WDR26: variants seen among roughly 807,000 people sequenced by gnomAD.
The protein encoded by WDR26 is WD repeat-containing protein 26.
WDR26 carries 5 observed loss-of-function variants against 84.1 expected under a neutral mutation model. The ratio of observed to expected loss-of-function variants is 0.06; its 90% CI spans 0.03 to 0.13. The LOEUF (loss-of-function observed/expected upper bound fraction) is 0.13. WDR26 is among the 10% of genes least tolerant of loss of function. The pLI, the probability that WDR26 is intolerant of heterozygous loss-of-function variation, is 1.00. For synonymous variants in WDR26, 415 were observed against 389.6 expected (o/e 1.07, Z -0.77); for missense variants, 642 against 974.9 (o/e 0.66, Z 4.55).
At chr1:224,427,496 GACTAAA>G (rs1190706881) in intron 3 of WDR26, among the ~76,000 whole-genome samples, 1 of 152,044 alleles carries the variant, frequency 6.6e-6, no homozygotes, top group Non-Finnish European at 1.5e-5. Flanking sequence ...GAGAAAGGCT[GACTAAA>G]ACTCTGAGAG....
At position 224,385,487 on chromosome 1, in the gene WDR26, A is replaced by C. The variant is rs183853609; in HGVS notation, c.*4348T>G. On this transcript the variant is annotated 3_prime_UTR_variant, in exon 14 of 14. Transcript: ENST00000414423. The stretch of plus-strand genomic sequence containing the variant: ...AAAAAACAAAAATCAAAACCCACCA[A>C]AATTGAAGAACACAATCTTTTGAAA... The C allele has an allele frequency of 3.3e-5, 5 of 152,792 alleles. No homozygotes were observed. The highest frequency in any genetic ancestry group is 3.3e-4 in the Admixed American group (5 of 15,302). The allele number at this position is 152,792 out of a possible 1,614,324, so 9.5% of individuals were successfully genotyped here.
At chr1:224,390,611 T>C (rs1054727915) in intron 13 of WDR26, among the ~76,000 whole-genome samples, 2 of 151,950 alleles carry the variant, frequency 1.3e-5, no homozygotes, top group African/African-American at 4.8e-5. Context: ...TCCTACTCCA[T>C]TTTTTTGGGG....
rs778874026 is a variant in WDR26 at position 224,431,458 on chromosome 1, A to T, written c.927+19T>A. 5 of 1,607,932 alleles carry T rather than the reference A, an allele frequency of 3.1e-6. No individual in the cohort carries two copies. The highest frequency in any genetic ancestry group is 4.3e-6 in the Non-Finnish European group (5 of 1,175,030). On this transcript the variant is annotated intron_variant, in intron 3 of 13. Coordinates refer to ENST00000414423, the MANE Select transcript of WDR26 (RefSeq NM_001379403.1). ...TAAAATAAGCATAAATGTGAAACTAAGAACAAAAGTGTATTTACCACAATT... is the reference window on the plus strand; with the variant it reads ...TAAAATAAGCATAAATGTGAAACTATGAACAAAAGTGTATTTACCACAATT...
At chr1:224,400,837 T>C (rs545412968) in intron 9 of WDR26, 113 bp downstream of exon 9, 7 of 1,414,800 alleles carry the variant, frequency 4.9e-6, no homozygotes, top group African/African-American at 4.3e-5. Flanking sequence ...TGAGCCACCA[T>C]GCCTGGCCCA....
chr1:224,398,919 T>C lies in WDR26; in HGVS notation c.1835A>G (p.Tyr612Cys), dbSNP rs1302926249. 8 of 1,613,874 alleles carry C rather than the reference T, an allele frequency of 5.0e-6. No individual in the cohort carries two copies. In the Admixed American group the frequency reaches 6.7e-5, roughly 13 times the overall value. ...CCTATCTGTAAGGTCCTCGAAGTTATAGCCCCGAATTCGCTGGTGTGTATC... is the reference window on the plus strand; with the variant it reads ...CCTATCTGTAAGGTCCTCGAAGTTACAGCCCCGAATTCGCTGGTGTGTATC... Residue 612 changes from tyrosine to cysteine, a missense_variant, in exon 10 of 14, where the codon TAT becomes TGT. Coordinates refer to ENST00000414423, the MANE Select transcript of WDR26 (RefSeq NM_001379403.1).
intron 12 of WDR26, among the ~76,000 whole-genome samples, chr1:224,396,862 T>G (rs559838929): frequency 6.6e-6 from 1 of 151,262 alleles, no homozygotes; most frequent in African/African-American, 2.4e-5. Flanking sequence ...GAGGTGGAGG[T>G]TGCATCAAGA....
intron 5 of WDR26, among the ~76,000 whole-genome samples, chr1:224,418,647 G>A (rs549264181): frequency 3.0e-4 from 46 of 152,162 alleles, no homozygotes; most frequent in African/African-American, 1.1e-3. Flanking sequence ...CTTTATATGT[G>A]GATTTTCTAG....
intron 7 of WDR26, among the ~76,000 whole-genome samples, chr1:224,408,176 T>TC (rs1010268719): frequency 1.2e-4 from 19 of 152,144 alleles, no homozygotes; most frequent in Non-Finnish European, 2.6e-4. Flanking sequence ...CTAAAACTCT[T>TC]CCCCCAAACC....
chr1:224,401,357 C>G (rs1416340600), intron 8 of WDR26, among the ~76,000 whole-genome samples: 1 of 152,022 alleles, frequency 6.6e-6, no homozygotes, highest in Non-Finnish European at 1.5e-5. Flanking sequence ...TATGCATAAA[C>G]TAAAACATGT....
Position 224,434,350 on chromosome 1 carries a change from T to C in WDR26, c.56A>G (p.Asp19Gly). The change falls in exon 1 of 14, where the codon GAC becomes GGC. Residue 19 changes from aspartate to glycine, a missense_variant. By Grantham distance (94) the Asp-to-Gly change is moderately conservative. This residue lies in a region of WDR26 where 291 missense variants were observed against 302.1 expected (regional missense o/e 0.96). Coordinates refer to ENST00000414423, the MANE Select transcript of WDR26 (RefSeq NM_001379403.1). ...CGGGGGCGGGGAGGCTCCGCCGGTG[T>C]CCGAGTCGGAGGAGGAGGAAGCGGA... 1 of 1,218,454 alleles carries C rather than the reference T, an allele frequency of 8.2e-7. No homozygotes were observed. Among genetic ancestry groups the C allele is most frequent in the East Asian group, 3.3e-5 (1 of 30,642 alleles). 75.5% of individuals were successfully genotyped at this position (1,218,454 alleles called of 1,614,324 possible). A position where few individuals can be genotyped will look rare whatever the true frequency, so the allele number is the denominator to read the frequency against.
chr1:224,408,834 T>C (rs902611848), intron 7 of WDR26, among the ~76,000 whole-genome samples: 22 of 152,150 alleles, frequency 1.4e-4, no homozygotes, highest in African/African-American at 5.3e-4. Context: ...TGAATTTTGT[T>C]TTCATTTAAA....
intron 6 of WDR26, chr1:224,413,428 T>C (rs1466217866): frequency 4.1e-6 from 2 of 491,424 alleles, no homozygotes; most frequent in Non-Finnish European, 6.1e-6. Flanking sequence ...GCAGGCTGTT[T>C]TAAACTTTCA....
At chr1:224,398,475 C>G in intron 11 of WDR26, 40 bp downstream of exon 11, 1 of 1,538,936 alleles carries the variant, frequency 6.5e-7, no homozygotes. Flanking sequence ...AAAACTTGTA[C>G]TAAGCCAAAT....
intron 7 of WDR26, among the ~76,000 whole-genome samples, chr1:224,411,219 C>T (rs1363949448): frequency 6.6e-6 from 1 of 152,086 alleles, no homozygotes; most frequent in African/African-American, 2.4e-5. Flanking sequence ...ACAGATTTAA[C>T]ATTATTGTTA....
chr1:224,398,276 ATTTT>A, intron 11 of WDR26, 50 bp from the exon 12 acceptor site: 1 of 1,575,790 alleles, frequency 6.3e-7, no homozygotes, highest in Admixed American at 2.0e-5. Context: ...ACTCAAACAA[ATTTT>A]AAAAAGTATC....
At position 224,424,505 on chromosome 1, in the gene WDR26, TCA is replaced by T. The variant is rs760609006; in HGVS notation, c.1064+11_1064+12del. 52 of 1,613,352 alleles carry T rather than the reference TCA, an allele frequency of 3.2e-5. No homozygotes were observed. In the Admixed American group the frequency reaches 3.8e-4, roughly 12 times the overall value. ...CCTCCATTAACCTGAGTTCAAGAAC[TCA>T]GTTTCCTTACCCACTAAGAACATGA... On this transcript the variant is annotated intron_variant, in intron 4 of 13. Transcript: ENST00000414423.
Position 224,398,938 on chromosome 1 carries a change from G to A in WDR26, c.1816C>T (p.His606Tyr). 6.2e-7 allele frequency: 1 copy of A among 1,613,888 alleles called. No homozygotes were observed. Among genetic ancestry groups the A allele is most frequent in the Non-Finnish European group, 8.5e-7 (1 of 1,179,938 alleles). ...AAGTTATAGCCCCGAATTCGCTGGTGTGTATCTGATGCCAGAACAGTCTTT... is the reference window on the plus strand; with the variant it reads ...AAGTTATAGCCCCGAATTCGCTGGTATGTATCTGATGCCAGAACAGTCTTT... The change falls in exon 10 of 14, where the codon CAC (histidine) becomes TAC (tyrosine). Residue 606 changes from histidine to tyrosine, a missense_variant. His to Tyr is a moderately conservative substitution (Grantham distance 83, BLOSUM62 2). Around this residue, in one of 2 missense-constraint regions of WDR26, gnomAD observed 351 missense variants for 672.8 expected, o/e 0.52. Transcript: ENST00000414423.
intron 3 of WDR26, among the ~76,000 whole-genome samples, chr1:224,426,054 T>TGC (rs1369637930): frequency 1.3e-5 from 2 of 152,026 alleles, no homozygotes; most frequent in Non-Finnish European, 2.9e-5. Context: ...GACAGGGTTT[T>TGC]GCCATGTTGG....
intron 1 of WDR26, among the ~76,000 whole-genome samples, chr1:224,432,939 C>T (rs996827605): frequency 3.9e-5 from 6 of 152,178 alleles, no homozygotes; most frequent in African/African-American, 1.4e-4. Context: ...TACAAGGCCA[C>T]CTAAATTGTA....
Sources: allele counts gnomAD v4.1 joint callset (sites outside exome capture counted in the v4.1 genomes callset), GRCh38; gene constraint gnomAD v4.1.1; regional missense constraint gnomAD v4.1.1; transcripts MANE v1.5; gene names NCBI Gene and HGNC (gene_info 2026-07-23, HGNC 2026-07-21).